The following LAMA2 variants were observed in gnomAD, a reference collection of about 807,000 sequenced individuals.
The protein encoded by LAMA2 is laminin subunit alpha 2.
LAMA2 carries 269 observed loss-of-function variants against 364.8 expected under a neutral mutation model. That is an observed-to-expected ratio of 0.74 (90% CI 0.67 to 0.82). The LOEUF is 0.82. Ranked by LOEUF, LAMA2 falls within the 40% of genes least tolerant of loss-of-function variation. LAMA2 has a pLI of 0.00. For missense variants in LAMA2, 3,807 were observed against 3,873.2 expected (o/e 0.98, Z 0.45); for synonymous variants, 1,379 against 1,370.6 (o/e 1.01, Z -0.14).
At chr6:129,482,278 TAA>T (rs971533938) in intron 55 of LAMA2, among the ~76,000 whole-genome samples, 3 of 152,148 alleles carry the variant, frequency 2.0e-5, no homozygotes, top group Admixed American at 6.5e-5. Context: ...AAACTTTTTT[TAA>T]AAAAGAGTAT....
intron 3 of LAMA2, among the ~76,000 whole-genome samples, chr6:129,066,325 G>C (rs566082396): frequency 1.1e-4 from 17 of 151,836 alleles, no homozygotes; most frequent in African/African-American, 4.1e-4. Context: ...GATTACAGGC[G>C]TGAGCCACCG....
At chr6:129,030,968 C>T (rs143652453) in intron 1 of LAMA2, among the ~76,000 whole-genome samples, 53 of 152,098 alleles carry the variant, frequency 3.5e-4, no homozygotes, top group Middle Eastern at 3.4e-3. Context: ...AAAATTCTGA[C>T]AAAAACTCAT....
At chr6:129,294,693 A>T (rs1027565417) in intron 20 of LAMA2, among the ~76,000 whole-genome samples, 1 of 152,164 alleles carries the variant, frequency 6.6e-6, no homozygotes, top group Non-Finnish European at 1.5e-5. Flanking sequence ...AAGAAACTGG[A>T]GGCTTTCAGT....
intron 3 of LAMA2, among the ~76,000 whole-genome samples, chr6:129,072,518 C>T (rs2114821285): frequency 6.6e-6 from 1 of 152,092 alleles, no homozygotes; most frequent in South Asian, 2.1e-4. Context: ...TAATCTTTTC[C>T]TTTAAATTGG....
rs1278914708 is a variant in LAMA2, at chr6:129,192,798, A to C, written c.1727A>C (p.Gln576Pro). The C allele has an allele frequency of 7.4e-6, 12 of 1,614,192 alleles. No individual in the cohort carries two copies. Among genetic ancestry groups the C allele is most frequent in the African/African-American group, 1.3e-5 (1 of 75,056 alleles). ...QISISNAEAR[Q>P]ALPHSYYWSA... Reference sequence around the variant, plus strand: ...AGCATCAGTAACGCGGAGGCCCGGCAAGCCCTGCCGCACAGCTACTACTGG... The same window carrying C: ...AGCATCAGTAACGCGGAGGCCCGGCCAGCCCTGCCGCACAGCTACTACTGG... Residue 576 changes from glutamine (Q) to proline (P), a missense_variant, in exon 12 of 65, where the codon CAA (glutamine) becomes CCA (proline). This residue lies in a region of LAMA2 where 3,333 missense variants were observed against 3,345.7 expected (regional missense o/e 1.00). Coordinates refer to ENST00000421865, the MANE Select transcript of LAMA2 (RefSeq NM_000426.4).
intron 45 of LAMA2, among the ~76,000 whole-genome samples, chr6:129,452,386 CCATTT>C (rs1001998056): frequency 1.3e-5 from 2 of 152,134 alleles, no homozygotes; most frequent in Non-Finnish European, 2.9e-5. Flanking sequence ...GAAATTATTT[CCATTT>C]CATTTCCTGA....
chr6:128,961,183 G>A (rs1582775371), intron 1 of LAMA2, among the ~76,000 whole-genome samples: 2 of 150,590 alleles, frequency 1.3e-5, no homozygotes, highest in East Asian at 3.9e-4. Context: ...ACAATATGTA[G>A]ATTTTCACTT....
In LAMA2 at chr6:129,059,820, A is replaced by T. The variant is rs1562200665; in HGVS notation, c.320A>T (p.Asn107Ile). The change falls in exon 3 of 65, where the codon AAC becomes ATC. Residue 107 changes from asparagine (N) to isoleucine (I), a missense_variant. Physicochemically the swap from Asn to Ile is moderately radical, Grantham distance 149. Coordinates refer to ENST00000421865, the MANE Select transcript of LAMA2 (RefSeq NM_000426.4). ...ATTACAAATGCTATTGATGGAAAGAACACTTGGTGGCAGAGTCCCAGTATT... is the reference window on the plus strand; with the variant it reads ...ATTACAAATGCTATTGATGGAAAGATCACTTGGTGGCAGAGTCCCAGTATT... ...HPITNAIDGK[N>I]TWWQSPSIKN... 1.2e-6 allele frequency: 2 copies of T among 1,610,800 alleles called. No homozygotes were observed. The highest frequency in any genetic ancestry group is 1.7e-6 in the Non-Finnish European group (2 of 1,176,996).
At chr6:128,945,571 A>G (rs1412085192) in intron 1 of LAMA2, among the ~76,000 whole-genome samples, 1 of 152,262 alleles carries the variant, frequency 6.6e-6, no homozygotes, top group Non-Finnish European at 1.5e-5. Flanking sequence ...CAGAATAAAA[A>G]TAATGTTTAG....
chr6:129,216,962 G>A (rs546199211), intron 12 of LAMA2, among the ~76,000 whole-genome samples: 17 of 152,052 alleles, frequency 1.1e-4, no homozygotes, highest in South Asian at 2.1e-4. Context: ...AGGCTGAGGC[G>A]GGTGGATCAC....
intron 28 of LAMA2, among the ~76,000 whole-genome samples, chr6:129,327,139 T>C (rs1775350864): frequency 1.3e-5 from 2 of 152,124 alleles, no homozygotes; most frequent in African/African-American, 2.4e-5. Context: ...TCATTAGAAT[T>C]TATTTTAGGC....
At chr6:129,253,891 A>T (rs1786444173) in intron 14 of LAMA2, among the ~76,000 whole-genome samples, 1 of 152,202 alleles carries the variant, frequency 6.6e-6, no homozygotes, top group Non-Finnish European at 1.5e-5. Context: ...GAGCTAATCC[A>T]AGTAGGTGGC....
At chr6:129,108,078 AG>A (rs34234686) in intron 4 of LAMA2, among the ~76,000 whole-genome samples, 39,888 of 151,906 alleles carry the variant, frequency 0.26, 5,982 homozygotes, top group African/African-American at 0.42. Context: ...TATATCTAAT[AG>A]GTTTTTTTAA....
intron 4 of LAMA2, among the ~76,000 whole-genome samples, chr6:129,141,035 C>A (rs1778092726): frequency 6.6e-6 from 1 of 152,020 alleles, no homozygotes; most frequent in South Asian, 2.1e-4. Context: ...ACATGATTCA[C>A]CACAGCATTC....
At chr6:128,937,487 C>T (rs1415387158) in intron 1 of LAMA2, among the ~76,000 whole-genome samples, 1 of 151,922 alleles carries the variant, frequency 6.6e-6, no homozygotes, top group Admixed American at 6.6e-5. Context: ...ACTCATTACC[C>T]AAATTTGTTC....
chr6:129,043,777 C>T (rs1032010169), intron 1 of LAMA2, among the ~76,000 whole-genome samples: 1 of 152,106 alleles, frequency 6.6e-6, no homozygotes, highest in African/African-American at 2.4e-5. Flanking sequence ...CTCACCCATT[C>T]TTTTTTGTTG....
At chr6:129,407,071 C>T (rs900487287) in intron 40 of LAMA2, among the ~76,000 whole-genome samples, 14 of 152,080 alleles carry the variant, frequency 9.2e-5, no homozygotes, top group African/African-American at 2.9e-4. Flanking sequence ...CTACTCTTTC[C>T]ACTTTCTTCT....
intron 32 of LAMA2, among the ~76,000 whole-genome samples, chr6:129,362,670 AAAT>A (rs921319173): frequency 6.6e-6 from 1 of 152,224 alleles, no homozygotes; most frequent in African/African-American, 2.4e-5. Flanking sequence ...AAGAATATAT[AAAT>A]AAATTAAGTA....
intron 49 of LAMA2, 128 bp downstream of exon 49, chr6:129,460,452 G>A (rs759624628): frequency 1.3e-5 from 13 of 965,890 alleles, no homozygotes; most frequent in Non-Finnish European, 2.0e-5. Context: ...CTCAGAGGTG[G>A]AATTACCACA....
Sources: allele counts gnomAD v4.1 joint callset (sites outside exome capture counted in the v4.1 genomes callset), GRCh38; gene constraint gnomAD v4.1.1; regional missense constraint gnomAD v4.1.1; transcripts MANE v1.5; gene names NCBI Gene and HGNC (gene_info 2026-07-23, HGNC 2026-07-21).